The following DPY19L4 variants were observed in gnomAD, a reference collection of about 807,000 sequenced individuals.
DPY19L4 encodes the protein probable C-mannosyltransferase DPY19L4.
A neutral mutation model predicts 102.8 loss-of-function variants in DPY19L4; 97 were observed. The observed-to-expected ratio is 0.94, with a 90% CI of 0.80 to 1.12. The LOEUF (loss-of-function observed/expected upper bound fraction) is 1.12. DPY19L4 is among the 50% of genes most tolerant of loss of function. The pLI is 0.00. For synonymous variants in DPY19L4, 252 were observed against 283.1 expected (o/e 0.89, Z 1.10); for missense variants, 815 against 850.4 (o/e 0.96, Z 0.52).
At chr8:94,774,096 T>C (rs1813061290) in intron 13 of DPY19L4, among the ~76,000 whole-genome samples, 1 of 143,978 alleles carries the variant, frequency 6.9e-6, no homozygotes, top group African/African-American at 2.6e-5. Context: ...CAGACTGGAG[T>C]GCGGTGGTGC....
At position 94,781,130 on chromosome 8, in the gene DPY19L4, A is replaced by G. The variant is rs1315923046; in HGVS notation, c.1679A>G (p.Tyr560Cys). 9 of 1,589,742 alleles carry G rather than the reference A, an allele frequency of 5.7e-6. No individual in the cohort carries two copies. The African/African-American group carries it at 5.7e-5, about 10-fold the overall frequency. ...GAATTAATGGAACTACAGGAATTCTATGACCCAGATACAGTGGAACTTATG... is the reference window on the plus strand; with the variant it reads ...GAATTAATGGAACTACAGGAATTCTGTGACCCAGATACAGTGGAACTTATG... The part of the protein sequence containing the change: ...MTELMELQEF[Y>C]DPDTVELMTW... The change falls in exon 16 of 19, where the codon TAT (tyrosine) becomes TGT (cysteine). Residue 560 changes from tyrosine to cysteine, a missense_variant. Coordinates refer to ENST00000414645, the MANE Select transcript of DPY19L4 (RefSeq NM_181787.3).
At chr8:94,738,896 G>A (rs1811313719) in intron 4 of DPY19L4, among the ~76,000 whole-genome samples, 1 of 151,914 alleles carries the variant, frequency 6.6e-6, no homozygotes, top group Admixed American at 6.6e-5. Flanking sequence ...TTTACATGTA[G>A]TAATTGTGCA....
At chr8:94,764,689 G>GTGTATATA (rs1415377058) in intron 8 of DPY19L4, among the ~76,000 whole-genome samples, 13 of 43,208 alleles carry the variant, frequency 3.0e-4, no homozygotes, top group Middle Eastern at 0.028. Context: ...GTCTGTGTGT[G>GTGTATATA]TATATATATA....
intron 6 of DPY19L4, among the ~76,000 whole-genome samples, chr8:94,749,803 C>T (rs137868084): frequency 0.013 from 2,043 of 152,240 alleles, 44 homozygotes; most frequent in African/African-American, 0.046. Flanking sequence ...CTTCTCTATT[C>T]CCTACAGAAG....
At chr8:94,747,378 G>T (rs559995157) in intron 6 of DPY19L4, among the ~76,000 whole-genome samples, 12 of 148,476 alleles carry the variant, frequency 8.1e-5, no homozygotes, top group Non-Finnish European at 1.8e-4. Flanking sequence ...ATTTGGCAAT[G>T]TAGCATTTAT....
intron 2 of DPY19L4, among the ~76,000 whole-genome samples, chr8:94,729,909 G>A (rs749658197): frequency 2.1e-4 from 32 of 151,618 alleles, no homozygotes; most frequent in Non-Finnish European, 3.8e-4. Context: ...TAGAAATATC[G>A]ATTACAAAAT....
intron 11 of DPY19L4, among the ~76,000 whole-genome samples, chr8:94,767,218 C>A (rs1048462371): frequency 2.0e-5 from 3 of 151,928 alleles, no homozygotes; most frequent in African/African-American, 7.2e-5. Context: ...TCTTTTCCCA[C>A]GGCTAGGGAT....
intron 6 of DPY19L4, among the ~76,000 whole-genome samples, chr8:94,755,380 C>A (rs751457507): frequency 1.2e-4 from 18 of 149,086 alleles, no homozygotes; most frequent in Non-Finnish European, 2.2e-4. Context: ...GGATAGCCAT[C>A]TGGTTAAGGG....
At chr8:94,783,827 T>C in intron 17 of DPY19L4, 25 bp downstream of exon 17, 1 of 1,612,628 alleles carries the variant, frequency 6.2e-7, no homozygotes, top group Non-Finnish European at 8.5e-7. Flanking sequence ...ATTCTACATT[T>C]GGATCTCTTT....
intron 12 of DPY19L4, among the ~76,000 whole-genome samples, chr8:94,769,590 G>T (rs1478286792): frequency 2.0e-5 from 3 of 151,872 alleles, no homozygotes; most frequent in African/African-American, 4.8e-5. Context: ...AGTGGCTTAT[G>T]CCTGTAATTC....
At chr8:94,788,170 T>G in intron 18 of DPY19L4, 118 bp downstream of exon 18, 1 of 481,062 alleles carries the variant, frequency 2.1e-6, no homozygotes, top group Non-Finnish European at 3.0e-6. Flanking sequence ...AGAATATAAT[T>G]GAGTTATGTA....
chr8:94,720,692 A>G (rs1810418894), intron 1 of DPY19L4, among the ~76,000 whole-genome samples: 1 of 152,224 alleles, frequency 6.6e-6, no homozygotes, highest in African/African-American at 2.4e-5. Flanking sequence ...TAAGATAAGT[A>G]ATTCATTCAG....
At chr8:94,768,589 T>A in intron 12 of DPY19L4, 36 bp downstream of exon 12, 2 of 1,189,532 alleles carry the variant, frequency 1.7e-6, no homozygotes, top group Non-Finnish European at 2.3e-6. Flanking sequence ...ATTACTAACA[T>A]AAATTATGGA....
intron 11 of DPY19L4, among the ~76,000 whole-genome samples, chr8:94,768,076 C>T (rs981246354): frequency 1.3e-5 from 2 of 152,026 alleles, no homozygotes; most frequent in Non-Finnish European, 2.9e-5. Flanking sequence ...GTTAGCCGGC[C>T]GAATTGTTTG....
chr8:94,780,472 T>C (rs1813381471), intron 15 of DPY19L4, 57 bp downstream of exon 15: 1 of 1,118,166 alleles, frequency 8.9e-7, no homozygotes, highest in East Asian at 2.8e-5. Context: ...AAGGTAGTGA[T>C]AAATTTATAT....
At position 94,753,709 on chromosome 8, in the gene DPY19L4, A is replaced by G. The variant is rs534788862; in HGVS notation, c.612-2327A>G. On this transcript the variant is annotated intron_variant, in intron 6 of 18. Coordinates refer to ENST00000414645, the MANE Select transcript of DPY19L4 (RefSeq NM_181787.3). ...AACATAGTGAAACCTCATCTCTACTAAAAATACAAAAAATTAGCCAGGCGT... is the reference window on the plus strand; with the variant it reads ...AACATAGTGAAACCTCATCTCTACTGAAAATACAAAAAATTAGCCAGGCGT... 5.3e-5 allele frequency among the ~76,000 whole-genome samples: 8 copies of G among 152,160 alleles called. 1 individual carries two copies. In the South Asian group the frequency reaches 8.3e-4, roughly 16 times the overall value.
intron 13 of DPY19L4, among the ~76,000 whole-genome samples, chr8:94,775,126 T>TG (rs1169557316): frequency 1.3e-5 from 2 of 152,186 alleles, no homozygotes; most frequent in Non-Finnish European, 2.9e-5. Context: ...TCCAATTTTT[T>TG]TGTGTGTGCC....
intron 6 of DPY19L4, among the ~76,000 whole-genome samples, chr8:94,742,217 G>A (rs1811473463): frequency 6.6e-6 from 1 of 152,062 alleles, no homozygotes; most frequent in South Asian, 2.1e-4. Context: ...AATTAGCCAA[G>A]TGTGGTGGCG....
At chr8:94,760,874 A>C (rs1812366869) in intron 7 of DPY19L4, among the ~76,000 whole-genome samples, 1 of 152,236 alleles carries the variant, frequency 6.6e-6, no homozygotes, top group South Asian at 2.1e-4. Flanking sequence ...TTAGCCAGGC[A>C]GATTTTCGGC....
Sources: allele counts gnomAD v4.1 joint callset (sites outside exome capture counted in the v4.1 genomes callset), GRCh38; gene constraint gnomAD v4.1.1; transcripts MANE v1.5; gene names NCBI Gene and HGNC (gene_info 2026-07-23, HGNC 2026-07-21).